Variants in PLCL1 observed in about 807,000 individuals in gnomAD.
PLCL1 encodes phospholipase C like 1 (inactive), also known as inactive phospholipase C-like protein 1.
Under a neutral mutation model 84.4 loss-of-function variants are expected in PLCL1, and 41 were observed. The ratio of observed to expected loss-of-function variants is 0.49; its 90% CI spans 0.38 to 0.63. PLCL1 has a LOEUF of 0.63. PLCL1 is among the 30% of genes least tolerant of loss of function. The pLI is 0.00. For missense variants in PLCL1, 1,206 were observed against 1,367.8 expected (o/e 0.88, Z 1.87); for synonymous variants, 490 against 488.3 (o/e 1.00, Z -0.05).
rs1692222941 is a variant in PLCL1, at chr2:198,062,291, TTTATA to T, written c.241-21466_241-21462del. On this transcript the variant is annotated intron_variant, in intron 1 of 5. Coordinates refer to ENST00000428675, the MANE Select transcript of PLCL1 (RefSeq NM_006226.4). ...TTATCTATTCTAGGGGAGCTCCAAA[TTTATA>T]CAAGACAATTGTGATAAATTTTTTC... 2.6e-5 allele frequency among the ~76,000 whole-genome samples: 4 copies of T among 152,308 alleles called. No individual in the cohort carries two copies. The South Asian group carries it at 8.3e-4, about 32-fold the overall frequency.
In PLCL1 at chr2:198,084,701, A is replaced by G. The variant is rs1692814185; in HGVS notation, c.1184A>G (p.Lys395Arg). Reference sequence around the variant, plus strand: ...GACATTTTTGATCCTGAGCAAAAGAAGGTTGCCCAAGATATGACCCAGCCA... The same window carrying G: ...GACATTTTTGATCCTGAGCAAAAGAGGGTTGCCCAAGATATGACCCAGCCA... ...ECDIFDPEQK[K>R]VAQDMTQPLS... Residue 395 changes from lysine (K) to arginine (R), a missense_variant, in exon 2 of 6, where the codon AAG (lysine) becomes AGG (arginine). Lys to Arg is a conservative substitution (Grantham distance 26, BLOSUM62 2). Coordinates refer to ENST00000428675, the MANE Select transcript of PLCL1 (RefSeq NM_006226.4). 5 of 1,613,870 alleles carry G rather than the reference A, an allele frequency of 3.1e-6. No individual in the cohort carries two copies. The East Asian group carries it at 1.1e-4, about 36-fold the overall frequency.
chr2:197,886,458 A>AAAAAAAAAAAAAT (rs1553499642), intron 1 of PLCL1, among the ~76,000 whole-genome samples: 1 of 144,482 alleles, frequency 6.9e-6, no homozygotes. Flanking sequence ...AAAAAGTAAA[A>AAAAAAAAAAAAAT]TTCTTCAAAT....
chr2:197,969,316 G>A (rs1365399024), intron 1 of PLCL1, among the ~76,000 whole-genome samples: 1 of 152,056 alleles, frequency 6.6e-6, no homozygotes, highest in Non-Finnish European at 1.5e-5. Flanking sequence ...TTTTTTATAG[G>A]GTGTGCATAG....
intron 5 of PLCL1, among the ~76,000 whole-genome samples, chr2:198,144,496 T>C (rs1456980648): frequency 1.3e-5 from 2 of 152,186 alleles, no homozygotes; most frequent in Admixed American, 6.5e-5. Flanking sequence ...TTATATATAG[T>C]AGCAGATAAT....
At chr2:197,863,377 A>G (rs1162384113) in intron 1 of PLCL1, among the ~76,000 whole-genome samples, 1 of 152,166 alleles carries the variant, frequency 6.6e-6, no homozygotes, top group Non-Finnish European at 1.5e-5. Context: ...TCCATCAGTT[A>G]TATAAAATAG....
At position 197,897,333 on chromosome 2, in the gene PLCL1, G is replaced by A. The variant is rs544472014; in HGVS notation, c.240+91994G>A. ...ATTTAATTTGCAGATTAATATGTAAGGATGTACATTATAATGAATTTGCAT... is the reference window on the plus strand; with the variant it reads ...ATTTAATTTGCAGATTAATATGTAAAGATGTACATTATAATGAATTTGCAT... On this transcript the variant is annotated intron_variant, in intron 1 of 5. Transcript: ENST00000428675. Among the ~76,000 whole-genome samples, 4 of 151,862 alleles carry A rather than the reference G, an allele frequency of 2.6e-5. No individual in the cohort carries two copies. The East Asian group carries it at 5.8e-4, about 22-fold the overall frequency.
intron 1 of PLCL1, among the ~76,000 whole-genome samples, chr2:198,067,319 G>C (rs183874085): frequency 2.6e-5 from 4 of 151,816 alleles, no homozygotes; most frequent in Admixed American, 2.6e-4. Context: ...GTAGAGACAG[G>C]GTCTCACCAT....
rs1688086154 is a variant in PLCL1, at chr2:197,894,151, C to T, written c.240+88812C>T. On this transcript the variant is annotated intron_variant, in intron 1 of 5. Transcript: ENST00000428675. ...AGAGAGTTGGTACATGTCATCTTGT[C>T]TATCCCCTGTCCATGCCCCGTTCCT... Among the ~76,000 whole-genome samples, 7 of 151,946 alleles carry T rather than the reference C, an allele frequency of 4.6e-5. No homozygotes were observed. In the South Asian group the frequency reaches 1.5e-3, roughly 32 times the overall value.
At chr2:197,917,543 T>C (rs1300870097) in intron 1 of PLCL1, among the ~76,000 whole-genome samples, 2 of 152,206 alleles carry the variant, frequency 1.3e-5, no homozygotes, top group Non-Finnish European at 2.9e-5. Flanking sequence ...ATTGTAATTA[T>C]GGATATATGA....
rs1450863737 is a variant in PLCL1, at chr2:198,147,610, A to G, written c.*648A>G. On this transcript the variant is annotated 3_prime_UTR_variant, in exon 6 of 6. Transcript: ENST00000428675. Reference sequence around the variant, plus strand: ...TCATTTCTTCAGTCAGAAAACTTTAAAAAATATTTATTAAATAAAATCAAT... The same window carrying G: ...TCATTTCTTCAGTCAGAAAACTTTAGAAAATATTTATTAAATAAAATCAAT... 6.6e-6 allele frequency: 1 copy of G among 152,174 alleles called. No homozygotes were observed. The highest frequency in any genetic ancestry group is 1.5e-5 in the Non-Finnish European group (1 of 68,026). The allele number at this position is 152,174 out of a possible 1,614,324, so 9.4% of individuals were successfully genotyped here.
intron 1 of PLCL1, among the ~76,000 whole-genome samples, chr2:198,055,329 C>CTCTGTGTG (rs374518934): frequency 1.8e-5 from 2 of 112,270 alleles, no homozygotes; most frequent in African/African-American, 7.0e-5. Flanking sequence ...CTCTCTCTCT[C>CTCTGTGTG]TGTGTGTGTG....
chr2:197,904,855 T>C (rs1688345024), intron 1 of PLCL1, among the ~76,000 whole-genome samples: 1 of 152,222 alleles, frequency 6.6e-6, no homozygotes, highest in African/African-American at 2.4e-5. Flanking sequence ...TTAAGAATAA[T>C]ATTTAGTCAA....
chr2:197,981,172 A>G (rs1690096625), intron 1 of PLCL1, among the ~76,000 whole-genome samples: 1 of 152,218 alleles, frequency 6.6e-6, no homozygotes, highest in Non-Finnish European at 1.5e-5. Context: ...AGCAGTAGTT[A>G]ATTGTAGAAT....
At chr2:198,051,302 T>C (rs1422568231) in intron 1 of PLCL1, among the ~76,000 whole-genome samples, 4 of 152,198 alleles carry the variant, frequency 2.6e-5, no homozygotes, top group South Asian at 2.1e-4. Context: ...TTTAGGTTAA[T>C]AGAACATTCG....
intron 1 of PLCL1, among the ~76,000 whole-genome samples, chr2:197,899,454 C>T (rs1262837715): frequency 6.6e-6 from 1 of 151,874 alleles, no homozygotes; most frequent in Non-Finnish European, 1.5e-5. Flanking sequence ...TATTTTGTTT[C>T]ATGTGACAAT....
intron 5 of PLCL1, among the ~76,000 whole-genome samples, chr2:198,144,144 G>A (rs957730193): frequency 6.6e-6 from 1 of 152,130 alleles, no homozygotes; most frequent in African/African-American, 2.4e-5. Flanking sequence ...GTGGGAAAAG[G>A]GGATGTGAGA....
chr2:197,977,279 C>T (rs557584523), intron 1 of PLCL1, among the ~76,000 whole-genome samples: 6 of 152,162 alleles, frequency 3.9e-5, no homozygotes, highest in South Asian at 4.2e-4. Flanking sequence ...CATTTCCCCC[C>T]GCCCCCTCAC....
chr2:198,071,084 T>G (rs2105885216), intron 1 of PLCL1: 1 of 450,998 alleles, frequency 2.2e-6, no homozygotes, highest in East Asian at 1.7e-4. Context: ...TTCTGTTATC[T>G]GCTTTTTAAG....
At chr2:197,999,411 T>C (rs2105819082) in intron 1 of PLCL1, among the ~76,000 whole-genome samples, 1 of 152,350 alleles carries the variant, frequency 6.6e-6, no homozygotes, top group South Asian at 2.1e-4. Flanking sequence ...ACATTTTAGC[T>C]ATATCATAAG....
Sources: allele counts gnomAD v4.1 joint callset (sites outside exome capture counted in the v4.1 genomes callset), GRCh38; gene constraint gnomAD v4.1.1; transcripts MANE v1.5; gene names NCBI Gene and HGNC (gene_info 2026-07-23, HGNC 2026-07-21).